The following EP400 variants were observed in gnomAD, a reference collection of about 807,000 sequenced individuals.
EP400 encodes E1A-binding protein p400.
Under a neutral mutation model 354.1 loss-of-function variants are expected in EP400, and 105 were observed. That is an observed-to-expected ratio of 0.30 (90% CI 0.25 to 0.35). The LOEUF is 0.35. EP400 is among the 10% of genes least tolerant of loss of function. The pLI is 1.00. For missense variants in EP400, 3,280 were observed against 4,121.0 expected (o/e 0.80, Z 5.59); for synonymous variants, 1,646 against 1,716.9 (o/e 0.96, Z 1.02).
chr12:132,027,907 T>G lies in EP400; in HGVS notation c.5110-110T>G. On this transcript the variant is annotated intron_variant, in intron 26 of 52. Transcript: ENST00000389561. This position sits in a 1 kb window ranked among gnomAD's most constrained non-coding sequence, Gnocchi z 4.9. Reference sequence around the variant, plus strand: ...TCCTGTAACACAAGACCGGGGATATTGAAGTGGATCTCATATGTGGGAAAT... The same window carrying G: ...TCCTGTAACACAAGACCGGGGATATGGAAGTGGATCTCATATGTGGGAAAT... The G allele has an allele frequency of 8.7e-7, 1 of 1,148,588 alleles. No individual in the cohort carries two copies. The highest frequency in any genetic ancestry group is 1.2e-6 in the Non-Finnish European group (1 of 805,346). The allele number at this position is 1,148,588 out of a possible 1,614,324, so 71.1% of individuals were successfully genotyped here.
intron 46 of EP400, 46 bp downstream of exon 46, chr12:132,062,369 G>A (rs376951708): frequency 2.3e-4 from 375 of 1,611,058 alleles, no homozygotes; most frequent in Middle Eastern, 3.3e-4. Context: ...CTGCTCTGGC[G>A]CGTGTGAGGG....
chr12:131,962,669 T>C (rs1891931793), intron 2 of EP400, among the ~76,000 whole-genome samples: 1 of 152,240 alleles, frequency 6.6e-6, no homozygotes, highest in East Asian at 1.9e-4. Flanking sequence ...GTGCCTGGAA[T>C]GGCACATAAT....
chr12:131,960,450 G>C (rs1193034542), intron 1 of EP400, 135 bp from the exon 2 acceptor site: 12 of 907,116 alleles, frequency 1.3e-5, no homozygotes, highest in Non-Finnish European at 1.8e-5. Flanking sequence ...GTGCCATATT[G>C]AATGTGAGTC....
rs758191920 is a variant in EP400 at position 132,044,779 on chromosome 12, G to A, written c.6631-21G>A. The A allele has an allele frequency of 7.4e-6, 12 of 1,613,968 alleles. No homozygotes were observed. The East Asian group carries it at 2.5e-4, about 33-fold the overall frequency. On this transcript the variant is annotated intron_variant, in intron 36 of 52. Coordinates refer to ENST00000389561, the MANE Select transcript of EP400 (RefSeq NM_015409.5). ...CTTCCTGTGAGTTCCACATCTCATG[G>A]GCCTTCCCTTCTCCATGCAGCTCTG... is the stretch of plus-strand genomic sequence containing the variant.
At chr12:132,010,323 G>A (rs1893725440) in intron 15 of EP400, among the ~76,000 whole-genome samples, 3 of 152,126 alleles carry the variant, frequency 2.0e-5, no homozygotes, top group South Asian at 4.1e-4. Flanking sequence ...CTGACCTCCT[G>A]ATCTGCCTCC....
intron 2 of EP400, among the ~76,000 whole-genome samples, chr12:131,972,840 T>G (rs567439194): frequency 2.2e-3 from 321 of 147,574 alleles, no homozygotes; most frequent in African/African-American, 7.7e-3. Context: ...CAAACGATTC[T>G]CCTGTCTCAG....
At position 132,013,462 on chromosome 12, in the gene EP400, C is replaced by T. The variant is rs751876088; in HGVS notation, c.3612-28C>T. The T allele has an allele frequency of 6.5e-7, 1 of 1,530,864 alleles. No individual in the cohort carries two copies. Among genetic ancestry groups the T allele is most frequent in the Non-Finnish European group, 8.8e-7 (1 of 1,138,850 alleles). The allele number at this position is 1,530,864 out of a possible 1,614,324, so 94.8% of individuals were successfully genotyped here. On this transcript the variant is annotated intron_variant, in intron 17 of 52. Coordinates refer to ENST00000389561, the MANE Select transcript of EP400 (RefSeq NM_015409.5). This position sits in a 1 kb window ranked among gnomAD's most constrained non-coding sequence, Gnocchi z 4.5. Reference sequence around the variant, plus strand: ...CAGCCAGCCCCGTGGCTGTAGAACTCCAGTGTTGTCTCTTGTCCTGTTTGC... The same window carrying T: ...CAGCCAGCCCCGTGGCTGTAGAACTTCAGTGTTGTCTCTTGTCCTGTTTGC...
intron 19 of EP400, among the ~76,000 whole-genome samples, chr12:132,015,952 G>A (rs1457557464): frequency 6.6e-6 from 1 of 152,076 alleles, no homozygotes; most frequent in East Asian, 1.9e-4. Flanking sequence ...TGTACCACGA[G>A]CTCCAGAGCT....
In EP400 at chr12:132,064,864, C is replaced by T; in HGVS notation, c.8531C>T (p.Ala2844Val). Reference protein sequence around the residue: ...PGALLTGTTVANLQVARLTRV... With the variant: ...PGALLTGTTVVNLQVARLTRV... ...GCCCTGCTGACGGGCACCACCGTGG[C>T]CAACCTCCAGGTGGCCCGGCTCGTA... is the stretch of plus-strand genomic sequence containing the variant. The change falls in exon 48 of 53, where the codon GCC becomes GTC. Residue 2844 changes from alanine (A) to valine (V), a missense_variant. By Grantham distance (64) the Ala-to-Val change is moderately conservative. Transcript: ENST00000389561. 1 of 1,609,974 alleles carries T rather than the reference C, an allele frequency of 6.2e-7. No individual in the cohort carries two copies.
chr12:132,069,716 T>TTTGCGAGATCCCAGCCC, intron 51 of EP400, 75 bp downstream of exon 51: 1 of 1,577,862 alleles, frequency 6.3e-7, no homozygotes, highest in East Asian at 2.2e-5. Context: ...TCTCGCGGGC[T>TTTGCGAGATCCCAGCCC]TTGCGAGCTC....
At chr12:132,035,149 A>T (rs570634108) in intron 30 of EP400, among the ~76,000 whole-genome samples, 7 of 152,316 alleles carry the variant, frequency 4.6e-5, no homozygotes, top group Non-Finnish European at 1.0e-4. Flanking sequence ...GCTCCAGCTC[A>T]CTGGTCTGGA....
At position 132,067,193 on chromosome 12, in the gene EP400, A is replaced by G; in HGVS notation, c.8750-169A>G. 7 of 1,207,370 alleles carry G rather than the reference A, an allele frequency of 5.8e-6. No homozygotes were observed. The highest frequency in any genetic ancestry group is 8.1e-6 in the Non-Finnish European group (7 of 868,658). 74.8% of individuals were successfully genotyped at this position (1,207,370 alleles called of 1,614,324 possible). A position where few individuals can be genotyped will look rare whatever the true frequency, so the allele number is the denominator to read the frequency against. On this transcript the variant is annotated intron_variant, in intron 49 of 52. Transcript: ENST00000389561. The surrounding 1 kb of genome is among the most constrained non-coding windows in gnomAD (Gnocchi z 5.3). The stretch of plus-strand genomic sequence containing the variant: ...AAATTTCCGTCTTAATTTAAGTGTA[A>G]TTTGTGAACCCAGAAACATTTTAAT...
chr12:132,022,356 A>G (rs981606109), intron 23 of EP400, among the ~76,000 whole-genome samples: 7 of 152,210 alleles, frequency 4.6e-5, no homozygotes, highest in African/African-American at 1.7e-4. Context: ...TGACACTTCT[A>G]TGCACAAATC....
chr12:132,055,316 C>T, intron 45 of EP400, 108 bp downstream of exon 45: 1 of 939,224 alleles, frequency 1.1e-6, no homozygotes, highest in South Asian at 1.7e-5. Context: ...TGGTGAAAAA[C>T]TGTCTAGTTT....
chr12:132,065,110 T>C, intron 48 of EP400: 1 of 808,740 alleles, frequency 1.2e-6, no homozygotes, highest in South Asian at 1.9e-5. Context: ...ACCAAGCTTC[T>C]CAGGGCTTGA....
At chr12:132,046,179 G>C (rs1435508810) in intron 39 of EP400, among the ~76,000 whole-genome samples, 4 of 152,214 alleles carry the variant, frequency 2.6e-5, no homozygotes, top group Non-Finnish European at 4.4e-5. Flanking sequence ...TGTTTTATCT[G>C]ATACCAACAT....
At position 132,069,190 on chromosome 12, in the gene EP400, A is replaced by G. The variant is rs1279731105; in HGVS notation, c.8875-305A>G. On this transcript the variant is annotated intron_variant, in intron 50 of 52. Coordinates refer to ENST00000389561, the MANE Select transcript of EP400 (RefSeq NM_015409.5). ...GTAGCAGCCCCGTGCAGGTGTGACA[A>G]GGGTGTCAGGGTGCCCCACCAGCCC... 5 of 355,400 alleles carry G rather than the reference A, an allele frequency of 1.4e-5. No homozygotes were observed. In the East Asian group the frequency reaches 1.8e-4, roughly 13 times the overall value. The allele number at this position is 355,400 out of a possible 1,614,324, so 22.0% of individuals were successfully genotyped here.
Position 132,021,200 on chromosome 12 carries a change from A to G in EP400, c.4569A>G (p.Thr1523=). 1 of 1,600,144 alleles carries G rather than the reference A, an allele frequency of 6.2e-7. No individual in the cohort carries two copies. The highest frequency in any genetic ancestry group is 1.7e-4 in the Middle Eastern group (1 of 5,960). ...CTGCGAAACTGCGGGCCCAGACCAC[A>G]GCACAGGCCTCCACCCCAGGCCAGC... ...AHPAKLRAQT[T]AQASTPGQPP... is the part of the protein sequence containing the mutation. Residue 1523 remains threonine, a synonymous_variant, in exon 23 of 53, where the codon ACA becomes ACG. Coordinates refer to ENST00000389561, the MANE Select transcript of EP400 (RefSeq NM_015409.5).
chr12:132,021,229 C>T lies in EP400; in HGVS notation c.4598C>T (p.Pro1533Leu), dbSNP rs766261422. ...CAGGCCTCCACCCCAGGCCAGCCCC[C>T]GCCCCAGCCCCAGGCCCCCTCGCAC... ...TAQASTPGQP[P>L]PQPQAPSHAA... Residue 1533 changes from proline (P) to leucine (L), a missense_variant, in exon 23 of 53, where the codon CCG becomes CTG. Coordinates refer to ENST00000389561, the MANE Select transcript of EP400 (RefSeq NM_015409.5). 1.5e-5 allele frequency: 23 copies of T among 1,576,134 alleles called. No individual in the cohort carries two copies. In the Admixed American group the frequency reaches 1.9e-4, roughly 13 times the overall value.
Sources: allele counts gnomAD v4.1 joint callset (sites outside exome capture counted in the v4.1 genomes callset), GRCh38; gene constraint gnomAD v4.1.1; non-coding constraint Gnocchi (gnomAD v3.1); transcripts MANE v1.5; gene names NCBI Gene and HGNC (gene_info 2026-07-23, HGNC 2026-07-21).